XPO7: variants seen among roughly 807,000 people sequenced by gnomAD.
XPO7 encodes the protein exportin 7, also known as exportin-7.
A neutral mutation model predicts 144.3 loss-of-function variants in XPO7; 21 were observed. That is an observed-to-expected ratio of 0.15 (90% CI 0.10 to 0.21). The LOEUF is 0.21. XPO7 is among the 10% of genes least tolerant of loss of function. XPO7 has a pLI of 1.00. For synonymous variants in XPO7, 580 were observed against 499.6 expected (o/e 1.16, Z -2.15); for missense variants, 808 against 1,325.8 (o/e 0.61, Z 6.06).
At chr8:21,933,289 A>G (rs1810715712) in intron 1 of XPO7, among the ~76,000 whole-genome samples, 1 of 151,990 alleles carries the variant, frequency 6.6e-6, no homozygotes, top group Admixed American at 6.6e-5. Flanking sequence ...TTTAGTAGAG[A>G]TGGGGTTTCA....
At position 21,945,147 on chromosome 8, in the gene XPO7, C is replaced by T. The variant is rs552406838; in HGVS notation, c.19-21710C>T. Among the ~76,000 whole-genome samples the T allele has an allele frequency of 4.6e-5, 7 of 152,248 alleles. No individual in the cohort carries two copies. The South Asian group carries it at 1.5e-3, about 32-fold the overall frequency. ...TACACCTCCCAGACGGGGTGGCGGCCGGGCAGAGGGGCTCTTCACTTCCCA... is the reference window on the plus strand; with the variant it reads ...TACACCTCCCAGACGGGGTGGCGGCTGGGCAGAGGGGCTCTTCACTTCCCA... On this transcript the variant is annotated intron_variant, in intron 1 of 27. Transcript: ENST00000252512.
At chr8:21,971,852 C>G in intron 4 of XPO7, 24 bp from the exon 5 acceptor site, 1 of 1,600,028 alleles carries the variant, frequency 6.2e-7, no homozygotes, top group Non-Finnish European at 8.5e-7. Flanking sequence ...ACAACTCTTT[C>G]TACCTTATAC....
At chr8:21,927,558 TTC>T (rs1554510326) in intron 1 of XPO7, among the ~76,000 whole-genome samples, 1 of 139,012 alleles carries the variant, frequency 7.2e-6, no homozygotes, top group Admixed American at 7.1e-5. Flanking sequence ...TTTTTTTTTT[TTC>T]TTAAGATGGA....
chr8:21,970,725 A>T (rs183434584), intron 4 of XPO7, among the ~76,000 whole-genome samples: 3 of 152,232 alleles, frequency 2.0e-5, no homozygotes, highest in African/African-American at 7.2e-5. Context: ...AAAGTTATAC[A>T]GCTTGCACTT....
At chr8:21,935,226 A>T (rs1248930134) in intron 1 of XPO7, among the ~76,000 whole-genome samples, 1 of 152,232 alleles carries the variant, frequency 6.6e-6, no homozygotes, top group African/African-American at 2.4e-5. Flanking sequence ...AAGGACTTTT[A>T]TATTTAAATA....
intron 1 of XPO7, among the ~76,000 whole-genome samples, chr8:21,965,022 C>G (rs928945229): frequency 1.3e-5 from 2 of 152,196 alleles, no homozygotes; most frequent in Non-Finnish European, 2.9e-5. Context: ...TGTGGAGGTT[C>G]TGAGGCTGCT....
intron 1 of XPO7, among the ~76,000 whole-genome samples, chr8:21,935,068 C>T (rs1405951921): frequency 6.6e-6 from 1 of 152,184 alleles, no homozygotes; most frequent in African/African-American, 2.4e-5. Context: ...TGTATGTAGG[C>T]ATTACCAAGA....
Position 21,989,058 on chromosome 8 carries a change from C to T in XPO7, c.1843C>T (p.Gln615Ter). 6.2e-7 allele frequency: 1 copy of T among 1,613,846 alleles called. No individual in the cohort carries two copies. The change falls in exon 16 of 28, where the codon CAG becomes TAG. Residue 615 changes from glutamine to a stop codon, truncating the protein, a stop_gained. Coordinates refer to ENST00000252512, the MANE Select transcript of XPO7 (RefSeq NM_015024.5). LOFTEE classifies it high-confidence loss of function. ...RCEPITSKTL[Q>*]LLNDLSIGYS... The stretch of plus-strand genomic sequence containing the variant: ...TGAACCAATCACCTCCAAGACACTA[C>T]AGCTTCTCAATGACCTGTCCATTGG...
intron 24 of XPO7, among the ~76,000 whole-genome samples, chr8:22,001,295 C>T (rs373852392): frequency 6.7e-6 from 1 of 148,712 alleles, no homozygotes; most frequent in Non-Finnish European, 1.5e-5. Context: ...GGCGACAGAA[C>T]GAGACTCCGT....
chr8:21,983,855 CCTGCTG>C (rs77922585), intron 11 of XPO7, among the ~76,000 whole-genome samples: 23,590 of 151,284 alleles, frequency 0.16, 2,435 homozygotes, highest in African/African-American at 0.3. Context: ...TGCTGCTGCT[CCTGCTG>C]CTGCTGCTGC....
chr8:21,943,295 A>G (rs990014663), intron 1 of XPO7, among the ~76,000 whole-genome samples: 2 of 152,208 alleles, frequency 1.3e-5, no homozygotes, highest in African/African-American at 4.8e-5. Context: ...TGGCTTGTCA[A>G]GAATTAAGAA....
chr8:21,957,221 A>G lies in XPO7; in HGVS notation c.19-9636A>G, dbSNP rs188698468. Reference sequence around the variant, plus strand: ...CCCACTTCATTGACCTATTTGTTACAGGGTGCCCATAGCTTCAGATGTGCT... The same window carrying G: ...CCCACTTCATTGACCTATTTGTTACGGGGTGCCCATAGCTTCAGATGTGCT... On this transcript the variant is annotated intron_variant, in intron 1 of 27. Coordinates refer to ENST00000252512, the MANE Select transcript of XPO7 (RefSeq NM_015024.5). 2.8e-3 allele frequency among the ~76,000 whole-genome samples: 420 copies of G among 152,116 alleles called. 2 individuals carry two copies. The highest frequency in any genetic ancestry group is 0.027 in the South Asian group (129 of 4,816).
chr8:21,928,826 G>C (rs1287701308), intron 1 of XPO7, among the ~76,000 whole-genome samples: 1 of 152,150 alleles, frequency 6.6e-6, no homozygotes, highest in Non-Finnish European at 1.5e-5. Flanking sequence ...TTCACTGTTC[G>C]TAAATAAGTT....
chr8:21,975,035 C>T (rs1284112216), intron 6 of XPO7, among the ~76,000 whole-genome samples: 1 of 152,198 alleles, frequency 6.6e-6, no homozygotes, highest in Non-Finnish European at 1.5e-5. Context: ...TCCCATACTC[C>T]TATCTTAAAG....
At chr8:21,981,952 A>T (rs1331331793) in intron 10 of XPO7, 75 bp downstream of exon 10, 12 of 1,573,490 alleles carry the variant, frequency 7.6e-6, no homozygotes, top group Non-Finnish European at 1.0e-5. Context: ...CCATGTAAGA[A>T]TATATTTTTT....
rs753995220 is a variant in XPO7, at chr8:21,984,802, C to T, written c.1434C>T (p.Ser478=). Residue 478 remains serine (S), a synonymous_variant, in exon 12 of 28, where the codon AGC becomes AGT. Transcript: ENST00000252512. ...SAQSYQELLQ[S]ASASPMDIAV... is the part of the protein sequence containing the mutation. ...AGTCGTACCAGGAGCTGCTACAGAG[C>T]GCCAGCGCAAGCCCAATGGACATTG... The T allele has an allele frequency of 1.8e-5, 29 of 1,613,838 alleles. 1 individual carries two copies. The Admixed American group carries it at 3.2e-4, about 18-fold the overall frequency.
At chr8:21,927,538 C>CTTT (rs576510771) in intron 1 of XPO7, among the ~76,000 whole-genome samples, 13 of 120,546 alleles carry the variant, frequency 1.1e-4, no homozygotes, top group African/African-American at 1.4e-4. Flanking sequence ...AAAAACCAAC[C>CTTT]TTTTTTTTTT....
chr8:21,970,002 G>C, intron 3 of XPO7, 142 bp from the exon 4 acceptor site: 1 of 930,208 alleles, frequency 1.1e-6, no homozygotes, highest in East Asian at 2.5e-5. Flanking sequence ...TGGAACAGTA[G>C]CATAAATAAT....
chr8:21,925,116 T>C (rs1810417018), intron 1 of XPO7, among the ~76,000 whole-genome samples: 2 of 152,232 alleles, frequency 1.3e-5, no homozygotes, highest in African/African-American at 4.8e-5. Context: ...AATACATGTC[T>C]GGAATACATT....
Sources: gnomAD v4.1 joint callset for allele counts (sites outside exome capture counted in the v4.1 genomes callset) on GRCh38, gnomAD v4.1.1 for gene constraint, MANE v1.5 for transcripts, NCBI Gene and HGNC (gene_info 2026-07-23, HGNC 2026-07-21) for gene names.